Variants in PGAP1 observed in about 807,000 individuals in gnomAD.
PGAP1 encodes post-GPI attachment to proteins inositol deacylase 1, also known as GPI inositol-deacylase.
In PGAP1, 76 loss-of-function variants were observed where a neutral mutation model predicts 127.0. That is an observed-to-expected ratio of 0.60 (90% confidence interval 0.50 to 0.72). The LOEUF is 0.72. Ranked by LOEUF, PGAP1 falls within the 30% of genes least tolerant of loss-of-function variation. PGAP1 has a pLI of 0.00. For missense variants in PGAP1, 982 were observed against 1,071.3 expected (o/e 0.92, Z 1.16); for synonymous variants, 362 against 366.5 (o/e 0.99, Z 0.14).
intron 19 of PGAP1, 86 bp downstream of exon 19, chr2:196,870,855 C>T (rs1701388423): frequency 3.5e-6 from 4 of 1,128,916 alleles, no homozygotes; most frequent in Non-Finnish European, 1.3e-6. Flanking sequence ...ATTATCCAGC[C>T]CCTTATGGAA....
chr2:196,870,183 G>A (rs773292337), intron 19 of PGAP1, among the ~76,000 whole-genome samples: 10 of 152,026 alleles, frequency 6.6e-5, no homozygotes, highest in Admixed American at 3.3e-4. Context: ...AACTGAGCAT[G>A]CACAATATAA....
At chr2:196,864,651 T>C (rs548735606) in intron 20 of PGAP1, among the ~76,000 whole-genome samples, 59 of 152,226 alleles carry the variant, frequency 3.9e-4, no homozygotes, top group African/African-American at 1.3e-3. Context: ...GTTAATAATT[T>C]GCAGGTCTTA....
At chr2:196,874,386 A>T (rs1701497133) in intron 14 of PGAP1, among the ~76,000 whole-genome samples, 1 of 152,178 alleles carries the variant, frequency 6.6e-6, no homozygotes, top group South Asian at 2.1e-4. Flanking sequence ...ACTTTATCTC[A>T]GGAAGAATTC....
At chr2:196,847,399 A>C (rs1299228920) in intron 21 of PGAP1, 199 bp from the exon 22 acceptor site, 1 of 447,230 alleles carries the variant, frequency 2.2e-6, no homozygotes, top group African/African-American at 2.0e-5. Context: ...ATCTTTGAAG[A>C]TCTGCATTTC....
intron 20 of PGAP1, among the ~76,000 whole-genome samples, chr2:196,849,383 C>A (rs1700652407): frequency 6.6e-6 from 1 of 151,488 alleles, no homozygotes; most frequent in Non-Finnish European, 1.5e-5. Context: ...CCTGCCTCAG[C>A]CTTCCGAGTA....
intron 20 of PGAP1, among the ~76,000 whole-genome samples, chr2:196,852,831 A>G (rs920193490): frequency 5.3e-5 from 8 of 152,194 alleles, no homozygotes; most frequent in African/African-American, 1.7e-4. Context: ...TATTTAAGAA[A>G]TAGGAAATAC....
intron 20 of PGAP1, 147 bp from the exon 21 acceptor site, chr2:196,848,184 A>T (rs1700613314): frequency 2.4e-6 from 1 of 425,204 alleles, no homozygotes; most frequent in Admixed American, 4.4e-5. Flanking sequence ...TTGAAAGATT[A>T]AAAATAGCTG....
In PGAP1 at chr2:196,839,221, T is replaced by C. The variant is rs1700333710; in HGVS notation, c.*2013A>G. On this transcript the variant is annotated 3_prime_UTR_variant, in exon 27 of 27. Transcript: ENST00000354764. ...TGAATTTTCTAAAGTTCTTTCTGTA[T>C]ATGGAACTAAGTCCAAATTCAGAAA... 1 of 152,640 alleles carries C rather than the reference T, an allele frequency of 6.6e-6. No homozygotes were observed. The highest frequency in any genetic ancestry group is 1.9e-4 in the East Asian group (1 of 5,208). The allele number at this position is 152,640 out of a possible 1,614,324, so 9.5% of individuals were successfully genotyped here.
intron 1 of PGAP1, chr2:196,922,613 C>CAT (rs1553606705): frequency 1.4e-6 from 1 of 723,344 alleles, no homozygotes; most frequent in Non-Finnish European, 1.7e-6. Flanking sequence ...CACACACACA[C>CAT]ACAACAAAGC....
chr2:196,914,615 G>C (rs530091030), intron 3 of PGAP1, among the ~76,000 whole-genome samples: 14 of 123,296 alleles, frequency 1.1e-4, no homozygotes, highest in Non-Finnish European at 2.2e-4. Context: ...GTGAGACCCT[G>C]TCTCAAACAA....
intron 13 of PGAP1, among the ~76,000 whole-genome samples, chr2:196,876,538 T>C (rs549757834): frequency 6.9e-4 from 105 of 152,254 alleles, no homozygotes; most frequent in African/African-American, 2.5e-3. Context: ...CTCTCACTTA[T>C]CTGCAAGAAC....
At chr2:196,874,984 C>T (rs1206353121) in intron 14 of PGAP1, among the ~76,000 whole-genome samples, 3 of 152,288 alleles carry the variant, frequency 2.0e-5, no homozygotes, top group Middle Eastern at 6.8e-3. Context: ...CCACTGTACT[C>T]CAGCCTGGGT....
chr2:196,871,686 T>C (rs1366693740), intron 18 of PGAP1, among the ~76,000 whole-genome samples: 1 of 152,180 alleles, frequency 6.6e-6, no homozygotes, highest in Non-Finnish European at 1.5e-5. Flanking sequence ...AACTGAAACT[T>C]GGCTGGAGGA....
At chr2:196,889,760 G>C (rs1702036311) in intron 10 of PGAP1, among the ~76,000 whole-genome samples, 1 of 150,878 alleles carries the variant, frequency 6.6e-6, no homozygotes. Flanking sequence ...TCTGGAGGCT[G>C]AGGCAGGAGA....
intron 20 of PGAP1, 35 bp from the exon 21 acceptor site, chr2:196,848,072 G>T: frequency 6.9e-7 from 1 of 1,448,112 alleles, no homozygotes; most frequent in Non-Finnish European, 9.5e-7. Flanking sequence ...GCAATTTACA[G>T]TAATTAAGTA....
At chr2:196,900,379 T>C (rs980924876) in intron 5 of PGAP1, among the ~76,000 whole-genome samples, 1 of 152,216 alleles carries the variant, frequency 6.6e-6, no homozygotes, top group Non-Finnish European at 1.5e-5. Flanking sequence ...ACAATTATGG[T>C]CTCTAACTTA....
intron 20 of PGAP1, among the ~76,000 whole-genome samples, chr2:196,857,281 C>T (rs1409318627): frequency 6.6e-6 from 1 of 152,202 alleles, no homozygotes; most frequent in Admixed American, 6.5e-5. Context: ...AAATACAACT[C>T]CTAACAGTTT....
Position 196,892,404 on chromosome 2 carries a change from GA to G in PGAP1, c.1034-4del. ...TACTAGAACCCACATAGATGTCCCT[GA>G]AGGTAAAGGAAATTAATTTATTTGC... On this transcript the variant is annotated splice_polypyrimidine_tract_variant and splice_region_variant and intron_variant, in intron 8 of 26. Transcript: ENST00000354764. The G allele has an allele frequency of 1.5e-6, 2 of 1,358,056 alleles. No homozygotes were observed. Among genetic ancestry groups the G allele is most frequent in the Non-Finnish European group, 2.0e-6 (2 of 977,090 alleles). The allele number at this position is 1,358,056 out of a possible 1,614,324, so 84.1% of individuals were successfully genotyped here.
chr2:196,879,469 C>T (rs916143197), intron 13 of PGAP1, among the ~76,000 whole-genome samples: 4 of 152,074 alleles, frequency 2.6e-5, no homozygotes, highest in East Asian at 1.9e-4. Flanking sequence ...CCAAGGTGGG[C>T]GGATCACCTG....
Sources: allele counts gnomAD v4.1 joint callset (sites outside exome capture counted in the v4.1 genomes callset), GRCh38; gene constraint gnomAD v4.1.1; transcripts MANE v1.5; gene names NCBI Gene and HGNC (gene_info 2026-07-23, HGNC 2026-07-21).